The following SENP2 variants were observed in gnomAD, a reference collection of about 807,000 sequenced individuals.
SENP2 encodes SUMO specific peptidase 2, also known as sentrin-specific protease 2.
Under a neutral mutation model 86.3 loss-of-function variants are expected in SENP2, and 16 were observed. The observed-to-expected ratio is 0.19, with a 90% CI of 0.13 to 0.28. SENP2 has a LOEUF of 0.28. Ranked by LOEUF, SENP2 falls within the 10% of genes least tolerant of loss-of-function variation. The probability of loss-of-function intolerance (pLI) is 1.00; values close to 1 mark genes in which losing one functional copy is unlikely to be tolerated. For missense variants in SENP2, 552 were observed against 703.0 expected, an observed-to-expected ratio of 0.79 and a Z score of 2.43; for synonymous variants, 222 against 238.7, an observed-to-expected ratio of 0.93 and a Z score of 0.64.
intron 5 of SENP2, among the ~76,000 whole-genome samples, chr3:185,604,356 C>CA (rs993395898): frequency 6.6e-6 from 1 of 151,980 alleles, no homozygotes; most frequent in Non-Finnish European, 1.5e-5. Context: ...GAGTATGGTC[C>CA]AGTTGGATGA....
intron 2 of SENP2, among the ~76,000 whole-genome samples, chr3:185,591,281 G>C (rs1363218256): frequency 6.6e-6 from 1 of 152,040 alleles, no homozygotes; most frequent in East Asian, 1.9e-4. Flanking sequence ...TCTAATCCTT[G>C]CAGGTAAATA....
At chr3:185,612,023 G>T (rs1248619955) in intron 8 of SENP2, among the ~76,000 whole-genome samples, 1 of 152,096 alleles carries the variant, frequency 6.6e-6, no homozygotes, top group Non-Finnish European at 1.5e-5. Context: ...CAGGCATGGT[G>T]GCACTTGCCT....
At chr3:185,616,960 C>T (rs1191823469) in intron 11 of SENP2, among the ~76,000 whole-genome samples, 2 of 152,114 alleles carry the variant, frequency 1.3e-5, no homozygotes, top group Non-Finnish European at 2.9e-5. Flanking sequence ...ATAATAATGT[C>T]TTCCTCACTA....
chr3:185,596,750 A>G (rs1722187154), intron 2 of SENP2, among the ~76,000 whole-genome samples: 1 of 152,136 alleles, frequency 6.6e-6, no homozygotes, highest in African/African-American at 2.4e-5. Context: ...AGCTAGTGAG[A>G]CTATGACAGT....
chr3:185,621,697 A>C (rs1231578034), intron 13 of SENP2, 129 bp from the exon 14 acceptor site: 2 of 546,610 alleles, frequency 3.7e-6, no homozygotes, highest in Non-Finnish European at 6.3e-6. Context: ...CCATAAATGG[A>C]TTTCTAAGAT....
intron 16 of SENP2, 39 bp downstream of exon 16, chr3:185,626,432 A>T (rs768067569): frequency 1.2e-5 from 17 of 1,416,708 alleles, no homozygotes; most frequent in Non-Finnish European, 1.6e-5. Context: ...CTTGTTACTA[A>T]GCAAGATAAG....
chr3:185,629,531 G>GCGC (rs1712316920), intron 16 of SENP2, among the ~76,000 whole-genome samples: 1 of 150,700 alleles, frequency 6.6e-6, no homozygotes, highest in African/African-American at 2.4e-5. Flanking sequence ...TGAGCAGATC[G>GCGC]CGCCACTGCA....
Position 185,632,212 on chromosome 3 carries a change from G to GGTT in SENP2, c.*2369_*2371dup. The GGTT allele has an allele frequency of 8.7e-6, 1 of 114,534 alleles. No homozygotes were observed. The highest frequency in any genetic ancestry group is 3.3e-5 in the African/African-American group (1 of 30,132). 7.1% of individuals were successfully genotyped at this position (114,534 alleles called of 1,614,324 possible). A position where few individuals can be genotyped will look rare whatever the true frequency, so the allele number is the denominator to read the frequency against. On this transcript the variant is annotated 3_prime_UTR_variant, in exon 17 of 17. Coordinates refer to ENST00000296257, the MANE Select transcript of SENP2 (RefSeq NM_021627.3). ...GCAAATTATCACCATTAAAGCCAGT[G>GGTT]GTTTTTTTTTTGTTTTTTTTTTTTG...
chr3:185,633,290 A>ATTCTT lies in SENP2; in HGVS notation c.*3448_*3452dup, dbSNP rs1712568640. ...AACCTCAGTACTGTAGTTAAGCTAC[A>ATTCTT]TTCTTTAAATTAGCTTTTGTGAACT... is the stretch of plus-strand genomic sequence containing the variant. On this transcript the variant is annotated 3_prime_UTR_variant, in exon 17 of 17. Coordinates refer to ENST00000296257, the MANE Select transcript of SENP2 (RefSeq NM_021627.3). The ATTCTT allele has an allele frequency of 6.6e-6, 1 of 152,224 alleles. No individual in the cohort carries two copies. The highest frequency in any genetic ancestry group is 1.5e-5 in the Non-Finnish European group (1 of 68,044). The allele number at this position is 152,224 out of a possible 1,614,324, so 9.4% of individuals were successfully genotyped here.
chr3:185,603,718 T>C (rs1577726038), intron 5 of SENP2, among the ~76,000 whole-genome samples: 1 of 152,234 alleles, frequency 6.6e-6, no homozygotes, highest in Non-Finnish European at 1.5e-5. Context: ...GATACACAGT[T>C]AGTCAGGGGT....
chr3:185,629,976 GA>G lies in SENP2; in HGVS notation c.*134del. On this transcript the variant is annotated 3_prime_UTR_variant, in exon 17 of 17. Coordinates refer to ENST00000296257, the MANE Select transcript of SENP2 (RefSeq NM_021627.3). ...AGGTACTGAGCTGTCAAAAGTGCATGAAGGCCTCTCACTGTACTCTAGTCCT... is the reference window on the plus strand; with the variant it reads ...AGGTACTGAGCTGTCAAAAGTGCATGAGGCCTCTCACTGTACTCTAGTCCT... The G allele has an allele frequency of 1.2e-6, 1 of 848,042 alleles. No individual in the cohort carries two copies. The highest frequency in any genetic ancestry group is 1.9e-6 in the Non-Finnish European group (1 of 522,350). 52.5% of individuals were successfully genotyped at this position (848,042 alleles called of 1,614,324 possible).
chr3:185,586,446 C>T lies in SENP2; in HGVS notation c.33C>T (p.Thr11=), dbSNP rs1721784196. ...GATGGCTGGTTAGGATTCTCGGCAC[C>T]ATTTTCCGTTTCTGCGACCGGTCGG... MYRWLVRILG[T]IFRFCDRSVP... The change falls in exon 1 of 17, where the codon ACC becomes ACT. Residue 11 remains threonine (T), a synonymous_variant. Coordinates refer to ENST00000296257, the MANE Select transcript of SENP2 (RefSeq NM_021627.3). The surrounding 1 kb of genome is among the most constrained non-coding windows in gnomAD (Gnocchi z 4.3). The T allele has an allele frequency of 6.2e-7, 1 of 1,614,102 alleles. No homozygotes were observed. Among genetic ancestry groups the T allele is most frequent in the East Asian group, 2.2e-5 (1 of 44,882 alleles).
chr3:185,596,719 C>T (rs1722186065), intron 2 of SENP2, among the ~76,000 whole-genome samples: 1 of 152,052 alleles, frequency 6.6e-6, no homozygotes, highest in South Asian at 2.1e-4. Flanking sequence ...TATATTGTTA[C>T]CTGCCTGGGA....
At chr3:185,609,778 T>C (rs1722626678) in intron 7 of SENP2, among the ~76,000 whole-genome samples, 1 of 151,766 alleles carries the variant, frequency 6.6e-6, no homozygotes, top group African/African-American at 2.4e-5. Flanking sequence ...TGGTCTTTCT[T>C]TTTGTCTTTT....
rs1201501240 is a variant in SENP2 at position 185,633,455 on chromosome 3, C to A, written c.*3611C>A. 1 of 152,012 alleles carries A rather than the reference C, an allele frequency of 6.6e-6. No homozygotes were observed. The highest frequency in any genetic ancestry group is 1.5e-5 in the Non-Finnish European group (1 of 67,978). 9.4% of individuals were successfully genotyped at this position (152,012 alleles called of 1,614,324 possible). A position where few individuals can be genotyped will look rare whatever the true frequency, so the allele number is the denominator to read the frequency against. ...GTAGTATTGCTTTGATAATTTTTTT[C>A]TTTTAATTTACCTAATATATATAAG... On this transcript the variant is annotated 3_prime_UTR_variant, in exon 17 of 17. Coordinates refer to ENST00000296257, the MANE Select transcript of SENP2 (RefSeq NM_021627.3).
At chr3:185,618,234 G>A (rs921431738) in intron 12 of SENP2, among the ~76,000 whole-genome samples, 2 of 152,188 alleles carry the variant, frequency 1.3e-5, no homozygotes, top group African/African-American at 2.4e-5. Context: ...GTGAGCCACC[G>A]TGCCTGGCCT....
chr3:185,608,182 T>C (rs1722578737), intron 6 of SENP2, among the ~76,000 whole-genome samples: 1 of 152,212 alleles, frequency 6.6e-6, no homozygotes, highest in Non-Finnish European at 1.5e-5. Context: ...TATACATAAA[T>C]AGTTGCTATT....
In SENP2 at chr3:185,632,636, T is replaced by C; in HGVS notation, c.*2792T>C. 1 of 152,820 alleles carries C rather than the reference T, an allele frequency of 6.5e-6. No homozygotes were observed. 9.5% of individuals were successfully genotyped at this position (152,820 alleles called of 1,614,324 possible). A position where few individuals can be genotyped will look rare whatever the true frequency, so the allele number is the denominator to read the frequency against. On this transcript the variant is annotated 3_prime_UTR_variant, in exon 17 of 17. Transcript: ENST00000296257. ...ACCTCCCAGGTTCAAGCGATTCTCC[T>C]GCCTCAGCCTCCCGAGTAGCTGGGA...
chr3:185,612,767 C>A, intron 9 of SENP2, 109 bp downstream of exon 9: 1 of 774,290 alleles, frequency 1.3e-6, no homozygotes, highest in Non-Finnish European at 2.1e-6. Context: ...CTCTTGAGTT[C>A]TGGTAGTTGG....
Sources: allele counts gnomAD v4.1 joint callset (sites outside exome capture counted in the v4.1 genomes callset), GRCh38; gene constraint gnomAD v4.1.1; non-coding constraint Gnocchi (gnomAD v3.1); transcripts MANE v1.5; gene names NCBI Gene and HGNC (gene_info 2026-07-23, HGNC 2026-07-21).